The following EIF4G3 variants were observed in gnomAD, a reference collection of about 807,000 sequenced individuals.
EIF4G3 encodes eukaryotic translation initiation factor 4 gamma 3.
A neutral mutation model predicts 186.4 loss-of-function variants in EIF4G3; 34 were observed. The observed-to-expected ratio is 0.18, with a 90% CI of 0.14 to 0.24. EIF4G3 has a LOEUF of 0.24. EIF4G3 is among the 10% of genes least tolerant of loss of function. The pLI, the probability that EIF4G3 is intolerant of heterozygous loss-of-function variation, is 1.00. For missense variants in EIF4G3, 1,536 were observed against 1,948.5 expected (o/e 0.79, Z 3.99); for synonymous variants, 673 against 679.5 (o/e 0.99, Z 0.15).
Position 20,895,473 on chromosome 1 carries a change from A to C in EIF4G3, c.2028T>G (p.Gly676=). Residue 676 remains glycine (G), a synonymous_variant, in exon 17 of 37, where the codon GGT becomes GGG. Coordinates refer to ENST00000602326, the MANE Select transcript of EIF4G3 (RefSeq NM_001391906.1). The part of the protein sequence containing the change: ...PESWKPTDTE[G]KKQYDREFLL... Reference sequence around the variant, plus strand: ...GAAACTCCCTGTCATACTGCTTCTTACCTTCAGTATCAGTAGGCTTCCAGG... The same window carrying C: ...GAAACTCCCTGTCATACTGCTTCTTCCCTTCAGTATCAGTAGGCTTCCAGG... The C allele has an allele frequency of 6.2e-7, 1 of 1,614,082 alleles. No individual in the cohort carries two copies. Among genetic ancestry groups the C allele is most frequent in the East Asian group, 2.2e-5 (1 of 44,868 alleles).
At chr1:21,038,591 A>T (rs1050227712) in intron 4 of EIF4G3, among the ~76,000 whole-genome samples, 10 of 152,154 alleles carry the variant, frequency 6.6e-5, no homozygotes, top group Non-Finnish European at 8.8e-5. Flanking sequence ...CACTAGACAT[A>T]ATCTTCACTC....
chr1:21,012,656 G>C (rs879888313), intron 4 of EIF4G3, among the ~76,000 whole-genome samples: 4 of 152,186 alleles, frequency 2.6e-5, no homozygotes, highest in Admixed American at 6.5e-5. Flanking sequence ...TTTTGTGACT[G>C]AACAAACAAG....
chr1:20,811,376 A>C (rs1038387562), intron 35 of EIF4G3, among the ~76,000 whole-genome samples: 1 of 151,502 alleles, frequency 6.6e-6, no homozygotes, highest in Admixed American at 6.6e-5. Flanking sequence ...GCCTCCCAAA[A>C]TGCTGGGATT....
At chr1:20,896,993 A>G (rs1445491620) in intron 16 of EIF4G3, among the ~76,000 whole-genome samples, 4 of 152,212 alleles carry the variant, frequency 2.6e-5, no homozygotes, top group Non-Finnish European at 5.9e-5. Flanking sequence ...CAAGGAAGAA[A>G]TTGCCTAATG....
chr1:20,845,695 T>TA (rs567880143), intron 29 of EIF4G3, among the ~76,000 whole-genome samples: 2 of 151,550 alleles, frequency 1.3e-5, no homozygotes, highest in African/African-American at 2.4e-5. Context: ...AAATAAAAAA[T>TA]AAAAAAAATA....
intron 33 of EIF4G3, 109 bp from the exon 34 acceptor site, chr1:20,817,647 C>A: frequency 2.4e-4 from 101 of 423,376 alleles, no homozygotes; most frequent in Non-Finnish European, 3.2e-4. Flanking sequence ...TACATGGAAT[C>A]AAAATGATCA....
At chr1:21,077,218 G>C (rs920461014) in intron 3 of EIF4G3, among the ~76,000 whole-genome samples, 1 of 152,010 alleles carries the variant, frequency 6.6e-6, no homozygotes, top group African/African-American at 2.4e-5. Context: ...GCAACATAGT[G>C]TGACCCCATA....
At chr1:21,041,536 A>G (rs962001234) in intron 4 of EIF4G3, among the ~76,000 whole-genome samples, 3 of 152,246 alleles carry the variant, frequency 2.0e-5, no homozygotes, top group Non-Finnish European at 2.9e-5. Context: ...AAACTGAACT[A>G]TAAAAGAAGA....
intron 7 of EIF4G3, among the ~76,000 whole-genome samples, chr1:20,991,805 T>C (rs1389869157): frequency 6.6e-6 from 1 of 152,086 alleles, no homozygotes; most frequent in Non-Finnish European, 1.5e-5. Context: ...TATAAAATAC[T>C]TCACTCATGC....
chr1:20,886,104 T>C, intron 19 of EIF4G3, 97 bp downstream of exon 19: 1 of 1,384,136 alleles, frequency 7.2e-7, no homozygotes. Flanking sequence ...TAAAAAGTCT[T>C]AAACTGATTA....
At chr1:21,020,605 G>A (rs190336656) in intron 4 of EIF4G3, among the ~76,000 whole-genome samples, 3 of 152,172 alleles carry the variant, frequency 2.0e-5, no homozygotes, top group Non-Finnish European at 4.4e-5. Context: ...CATTTCAAAC[G>A]ATGTCCAAGT....
At chr1:20,924,711 A>G (rs1572915048) in intron 14 of EIF4G3, among the ~76,000 whole-genome samples, 1 of 152,186 alleles carries the variant, frequency 6.6e-6, no homozygotes, top group Non-Finnish European at 1.5e-5. Context: ...AACTACGTGC[A>G]CTACCACACC....
At chr1:21,080,318 C>CA (rs551685633) in intron 3 of EIF4G3, among the ~76,000 whole-genome samples, 53,319 of 135,862 alleles carry the variant, frequency 0.39, 10,036 homozygotes, top group Non-Finnish European at 0.45. Context: ...ACTGTCTCAA[C>CA]AAAAAAAAAA....
chr1:20,850,808 C>T (rs2073060498), intron 28 of EIF4G3, among the ~76,000 whole-genome samples: 1 of 152,160 alleles, frequency 6.6e-6, no homozygotes, highest in African/African-American at 2.4e-5. Context: ...TATATACATG[C>T]TAAATGCATA....
intron 4 of EIF4G3, chr1:21,004,079 C>T (rs533045845): frequency 3.7e-4 from 59 of 157,410 alleles, no homozygotes; most frequent in Non-Finnish European, 6.6e-4. Context: ...AGAAAACTTG[C>T]TATTGCTACG....
chr1:20,828,270 T>G (rs1210430154), intron 31 of EIF4G3, among the ~76,000 whole-genome samples: 1 of 152,114 alleles, frequency 6.6e-6, no homozygotes, highest in East Asian at 1.9e-4. Context: ...GACCTTGTGA[T>G]CCGCCTGCCT....
intron 7 of EIF4G3, among the ~76,000 whole-genome samples, chr1:20,983,662 A>C (rs2078789220): frequency 6.6e-6 from 1 of 152,226 alleles, no homozygotes; most frequent in South Asian, 2.1e-4. Flanking sequence ...TAAATAACAC[A>C]GGCAGAGGAT....
At chr1:21,038,486 C>A (rs908572430) in intron 4 of EIF4G3, among the ~76,000 whole-genome samples, 1 of 152,218 alleles carries the variant, frequency 6.6e-6, no homozygotes, top group Non-Finnish European at 1.5e-5. Context: ...ATTTCTCCCA[C>A]CTTTACATAG....
At chr1:21,012,208 C>T (rs912719598) in intron 4 of EIF4G3, among the ~76,000 whole-genome samples, 6 of 152,148 alleles carry the variant, frequency 3.9e-5, no homozygotes, top group South Asian at 2.1e-4. Flanking sequence ...CTAAGGGTTT[C>T]GGGACAGTCG....
Sources: gnomAD v4.1 joint callset for allele counts (sites outside exome capture counted in the v4.1 genomes callset) on GRCh38, gnomAD v4.1.1 for gene constraint, MANE v1.5 for transcripts, NCBI Gene and HGNC (gene_info 2026-07-23, HGNC 2026-07-21) for gene names.